The following SCARB2 variants were observed in gnomAD, a reference collection of about 807,000 sequenced individuals.
SCARB2 encodes the protein scavenger receptor class B member 2, also known as lysosome membrane protein 2.
A neutral mutation model predicts 58.6 loss-of-function variants in SCARB2; 29 were observed. That is an observed-to-expected ratio of 0.49 (90% CI 0.37 to 0.67). The LOEUF (loss-of-function observed/expected upper bound fraction) is 0.67. Among genes scored for constraint, SCARB2 ranks in the 30% least tolerant of loss-of-function variants. SCARB2 has a pLI of 0.00. For missense variants in SCARB2, 488 were observed against 578.5 expected (o/e 0.84, Z 1.60); for synonymous variants, 195 against 210.1 (o/e 0.93, Z 0.62).
chr4:76,201,666 T>G (rs138884601), intron 1 of SCARB2, among the ~76,000 whole-genome samples: 39 of 152,372 alleles, frequency 2.6e-4, no homozygotes, highest in African/African-American at 9.1e-4. Context: ...CTGCAAATAT[T>G]ATTTTTCAAG....
chr4:76,211,369 G>A (rs527810570), intron 1 of SCARB2, among the ~76,000 whole-genome samples: 208 of 141,740 alleles, frequency 1.5e-3, no homozygotes, highest in African/African-American at 5.1e-3. Flanking sequence ...GTTATTTGAC[G>A]TAAGTCATAA....
chr4:76,189,242 TTA>T, intron 2 of SCARB2, among the ~76,000 whole-genome samples: 1 of 152,286 alleles, frequency 6.6e-6, no homozygotes, highest in East Asian at 1.9e-4. Flanking sequence ...TAAAATGCAA[TTA>T]GTCACTGTCA....
Position 76,211,786 on chromosome 4 carries a change from C to T in SCARB2, c.117+1641G>A, listed in dbSNP as rs139285404. On this transcript the variant is annotated intron_variant, in intron 1 of 11. Coordinates refer to ENST00000264896, the MANE Select transcript of SCARB2 (RefSeq NM_005506.4). ...TCTAATGACAACAGTATTTCCACAC[C>T]TGCCCACTGAAACTAGCCCTGTCCT... 5.7e-3 allele frequency among the ~76,000 whole-genome samples: 866 copies of T among 152,314 alleles called. 7 individuals are homozygous for T. Among genetic ancestry groups the T allele is most frequent in the African/African-American group, 0.019 (794 of 41,568 alleles).
intron 7 of SCARB2, among the ~76,000 whole-genome samples, chr4:76,170,837 G>A (rs1264416186): frequency 2.0e-5 from 3 of 151,758 alleles, no homozygotes; most frequent in East Asian, 1.9e-4. Flanking sequence ...TTTTTTAAGA[G>A]TTAGCCTGGT....
At chr4:76,212,264 C>T (rs1348830435) in intron 1 of SCARB2, among the ~76,000 whole-genome samples, 1 of 152,172 alleles carries the variant, frequency 6.6e-6, no homozygotes, top group African/African-American at 2.4e-5. Flanking sequence ...AACTGACCCT[C>T]GAGACGCTCA....
At position 76,189,427 on chromosome 4, in the gene SCARB2, C is replaced by T. The variant is rs117265839; in HGVS notation, c.275+6280G>A. 2.3e-4 allele frequency among the ~76,000 whole-genome samples: 35 copies of T among 152,212 alleles called. No individual in the cohort carries two copies. The East Asian group carries it at 4.1e-3, about 18-fold the overall frequency. ...GGGGACACAAACACGTCCTTTTTCA[C>T]GTGGCAGCAGCAAGGAGAAGTGCCC... On this transcript the variant is annotated intron_variant, in intron 2 of 11. Coordinates refer to ENST00000264896, the MANE Select transcript of SCARB2 (RefSeq NM_005506.4).
chr4:76,205,863 C>T (rs1288350589), intron 1 of SCARB2, among the ~76,000 whole-genome samples: 2 of 152,180 alleles, frequency 1.3e-5, no homozygotes, highest in African/African-American at 4.8e-5. Context: ...TATAGAGAAA[C>T]ATTTCTCTAC....
intron 1 of SCARB2, among the ~76,000 whole-genome samples, chr4:76,201,417 GT>G (rs1335911484): frequency 2.0e-5 from 3 of 152,310 alleles, no homozygotes; most frequent in African/African-American, 7.2e-5. Context: ...ACATAACATG[GT>G]TTCTGGCACA....
Position 76,180,988 on chromosome 4 carries a change from A to G in SCARB2, c.389T>C (p.Ile130Thr). 2 of 1,613,350 alleles carry G rather than the reference A, an allele frequency of 1.2e-6. No homozygotes were observed. Among genetic ancestry groups the G allele is most frequent in the Non-Finnish European group, 1.7e-6 (2 of 1,179,718 alleles). Residue 130 changes from isoleucine (I) to threonine (T), a missense_variant, in exon 3 of 12, where the codon ATT becomes ACT. Ile to Thr is a moderately conservative substitution (Grantham distance 89). Coordinates refer to ENST00000264896, the MANE Select transcript of SCARB2 (RefSeq NM_005506.4). ...AATATTTAATGTTCTAATTAAGTCA[A>G]TTTTAGGGTCTCCAACAGATTGGTC... ...ERDQSVGDPK[I>T]DLIRTLNIPV...
intron 1 of SCARB2, among the ~76,000 whole-genome samples, chr4:76,220,719 C>G (rs891081421): frequency 2.0e-5 from 3 of 152,202 alleles, no homozygotes; most frequent in Non-Finnish European, 4.4e-5. Context: ...AATGGTCCCT[C>G]TTAGAATATG....
chr4:76,193,618 G>C (rs1171615923), intron 2 of SCARB2: 2 of 152,236 alleles, frequency 1.3e-5, no homozygotes, highest in African/African-American at 2.4e-5. Flanking sequence ...GCCCTGTTGG[G>C]TTTCAGACTT....
intron 4 of SCARB2, among the ~76,000 whole-genome samples, chr4:76,178,339 T>G (rs896959198): frequency 3.3e-5 from 5 of 152,234 alleles, no homozygotes; most frequent in African/African-American, 4.8e-5. Context: ...AATTTTTGCA[T>G]GAATCATCTC....
intron 4 of SCARB2, chr4:76,179,058 T>TG (rs752946403): frequency 2.8e-4 from 28 of 99,082 alleles, no homozygotes; most frequent in African/African-American, 1.5e-3. Flanking sequence ...TTTTTGTTTT[T>TG]TTTTTGGCTT....
intron 11 of SCARB2, 167 bp from the exon 12 acceptor site, chr4:76,161,918 C>G: frequency 5.5e-6 from 2 of 364,420 alleles, no homozygotes; most frequent in Non-Finnish European, 8.1e-6. Context: ...CTTGAAGATT[C>G]AGCAGGCCTA....
At chr4:76,183,739 G>C (rs1220129567) in intron 2 of SCARB2, among the ~76,000 whole-genome samples, 1 of 152,116 alleles carries the variant, frequency 6.6e-6, no homozygotes. Context: ...TGGGGGGTGG[G>C]GCTGAAAGTC....
At chr4:76,214,163 A>G, upstream of SCARB2, 1 of 451,106 alleles carries the variant, frequency 2.2e-6, no homozygotes, top group East Asian at 7.0e-5. Context: ...TGGGGATTCA[A>G]GGTGGCTGGG....
At chr4:76,167,380 G>A (rs1296411391) in intron 9 of SCARB2, among the ~76,000 whole-genome samples, 4 of 152,148 alleles carry the variant, frequency 2.6e-5, no homozygotes, top group Non-Finnish European at 4.4e-5. Flanking sequence ...TCTCATGAAT[G>A]GTTTAGCACC....
chr4:76,183,981 C>G (rs766090574), intron 2 of SCARB2, among the ~76,000 whole-genome samples: 4 of 152,208 alleles, frequency 2.6e-5, no homozygotes, highest in African/African-American at 7.2e-5. Flanking sequence ...AAGCATACTT[C>G]CTATCACATA....
Position 76,169,879 on chromosome 4 carries a change from C to G in SCARB2, c.1101G>C (p.Val367=), listed in dbSNP as rs1732092994. ...HPNQEDHETF[V]DINPLTGIIL... ...AGTATGTACTCACAGGATTAATGTCCACAAATGTCTCATGGTCTTCCTGAT... is the reference window on the plus strand; with the variant it reads ...AGTATGTACTCACAGGATTAATGTCGACAAATGTCTCATGGTCTTCCTGAT... Residue 367 remains valine (V), a synonymous_variant, in exon 8 of 12, where the codon GTG becomes GTC. Coordinates refer to ENST00000264896, the MANE Select transcript of SCARB2 (RefSeq NM_005506.4). 6.2e-7 allele frequency: 1 copy of G among 1,612,196 alleles called. No homozygotes were observed. Among genetic ancestry groups the G allele is most frequent in the South Asian group, 1.1e-5 (1 of 91,032 alleles).
Sources: gnomAD v4.1 joint callset for allele counts (sites outside exome capture counted in the v4.1 genomes callset) on GRCh38, gnomAD v4.1.1 for gene constraint, MANE v1.5 for transcripts, NCBI Gene and HGNC (gene_info 2026-07-23, HGNC 2026-07-21) for gene names.